The following PARD3B variants were observed in gnomAD, a reference collection of about 807,000 sequenced individuals.
PARD3B encodes the protein par-3 family cell polarity regulator beta.
Under a neutral mutation model 130.2 loss-of-function variants are expected in PARD3B, and 103 were observed. The observed-to-expected ratio is 0.79, with a 90% CI of 0.67 to 0.93. PARD3B has a LOEUF of 0.93. PARD3B is among the 40% of genes least tolerant of loss of function. PARD3B has a pLI of 0.00. For synonymous variants in PARD3B, 583 were observed against 553.2 expected (o/e 1.05, Z -0.76); for missense variants, 1,609 against 1,499.2 (o/e 1.07, Z -1.21).
At chr2:205,406,659 C>CTTTTT (rs777517284) in intron 19 of PARD3B, among the ~76,000 whole-genome samples, 2 of 87,466 alleles carry the variant, frequency 2.3e-5, no homozygotes, top group African/African-American at 9.4e-5. Context: ...TCTTGTGTAT[C>CTTTTT]TTTTTTTTTT....
chr2:205,396,273 A>G (rs849231), intron 18 of PARD3B, among the ~76,000 whole-genome samples: 142,880 of 152,334 alleles, frequency 0.94, 67,047 homozygotes, highest in East Asian at 0.97. Context: ...AATTATGGAT[A>G]TATACTTGTT....
At chr2:205,355,699 A>G (rs1559695664) in intron 18 of PARD3B, among the ~76,000 whole-genome samples, 2 of 152,186 alleles carry the variant, frequency 1.3e-5, no homozygotes. Flanking sequence ...TACTGCTATA[A>G]AAAAACTGCC....
At position 205,548,767 on chromosome 2, in the gene PARD3B, C is replaced by T. The variant is rs187262121; in HGVS notation, c.3181-4557C>T. Among the ~76,000 whole-genome samples, 33 of 152,052 alleles carry T rather than the reference C, an allele frequency of 2.2e-4. No individual in the cohort carries two copies. In the East Asian group the frequency reaches 3.7e-3, roughly 17 times the overall value. ...TGATCTGTGAAAGATAAAATTAATA[C>T]GTTGAACTTTATTAAAATTAAAAAA... On this transcript the variant is annotated intron_variant, in intron 21 of 22. Coordinates refer to ENST00000406610, the MANE Select transcript of PARD3B (RefSeq NM_001302769.2).
At chr2:205,578,796 T>C (rs958999443) in intron 22 of PARD3B, among the ~76,000 whole-genome samples, 11 of 152,220 alleles carry the variant, frequency 7.2e-5, no homozygotes, top group African/African-American at 2.7e-4. Context: ...CACGTCAAAT[T>C]ATCTTACTTT....
rs1363535311 is a variant in PARD3B, at chr2:205,405,786, A to G, written c.2741+4663A>G. Among the ~76,000 whole-genome samples, 1 of 152,206 alleles carries G rather than the reference A, an allele frequency of 6.6e-6. No homozygotes were observed. Among genetic ancestry groups the G allele is most frequent in the Admixed American group, 6.5e-5 (1 of 15,270 alleles). On this transcript the variant is annotated intron_variant, in intron 19 of 22. Coordinates refer to ENST00000406610, the MANE Select transcript of PARD3B (RefSeq NM_001302769.2). The surrounding 1 kb of genome is among the most constrained non-coding windows in gnomAD (Gnocchi z 4.1). ...AAAGAAAGTTAATGGAAATAAATGT[A>G]AAGTCTTGCATTTAGGTCCAAAAAT... is the stretch of plus-strand genomic sequence containing the variant.
intron 18 of PARD3B, among the ~76,000 whole-genome samples, chr2:205,364,629 G>A (rs960144579): frequency 1.3e-5 from 2 of 152,158 alleles, no homozygotes; most frequent in African/African-American, 4.8e-5. Flanking sequence ...TTACAAGGCA[G>A]GGTGTGATTT....
At chr2:205,083,334 G>GAA (rs55665658) in intron 4 of PARD3B, among the ~76,000 whole-genome samples, 2,090 of 140,050 alleles carry the variant, frequency 0.015, 32 homozygotes, top group African/African-American at 0.047. Context: ...TTTAAGAATA[G>GAA]AAAAAAAAAA....
chr2:204,817,977 G>A (rs549153428), intron 2 of PARD3B, among the ~76,000 whole-genome samples: 1 of 152,232 alleles, frequency 6.6e-6, no homozygotes, highest in African/African-American at 2.4e-5. Flanking sequence ...AGGCCAGAAG[G>A]AAAGTTTACT....
At chr2:205,350,715 C>A (rs931519454) in intron 18 of PARD3B, among the ~76,000 whole-genome samples, 1 of 152,090 alleles carries the variant, frequency 6.6e-6, no homozygotes, top group Non-Finnish European at 1.5e-5. Flanking sequence ...TTCTATAATC[C>A]TAATGGCAGT....
intron 1 of PARD3B, among the ~76,000 whole-genome samples, chr2:204,554,049 A>T (rs985510730): frequency 5.9e-5 from 9 of 152,108 alleles, no homozygotes; most frequent in Non-Finnish European, 1.2e-4. Flanking sequence ...AAATAAAAAA[A>T]TTTTAAAAAT....
intron 16 of PARD3B, among the ~76,000 whole-genome samples, chr2:205,252,171 G>A (rs979149452): frequency 6.6e-6 from 1 of 152,080 alleles, no homozygotes; most frequent in Non-Finnish European, 1.5e-5. Context: ...ATATGGAGCA[G>A]GTGTATGCAT....
At chr2:204,751,327 A>C (rs2040458289) in intron 2 of PARD3B, among the ~76,000 whole-genome samples, 1 of 152,200 alleles carries the variant, frequency 6.6e-6, no homozygotes, top group Non-Finnish European at 1.5e-5. Flanking sequence ...ACAAAAACAA[A>C]AACACAAAAA....
chr2:204,605,092 G>T (rs1553550053), intron 1 of PARD3B, among the ~76,000 whole-genome samples: 1 of 152,152 alleles, frequency 6.6e-6, no homozygotes, highest in Non-Finnish European at 1.5e-5. Flanking sequence ...GATATGGCCA[G>T]ACAGAGTGCT....
chr2:204,869,364 C>A (rs17619986), intron 2 of PARD3B, among the ~76,000 whole-genome samples: 1 of 152,068 alleles, frequency 6.6e-6, no homozygotes, highest in Non-Finnish European at 1.5e-5. Context: ...ACGAGTGATT[C>A]ATAATCAAAC....
intron 21 of PARD3B, among the ~76,000 whole-genome samples, chr2:205,535,016 T>C (rs946745292): frequency 1.3e-5 from 2 of 152,188 alleles, no homozygotes; most frequent in African/African-American, 2.4e-5. Flanking sequence ...GTTTCCAGTC[T>C]ACAGAGGGGT....
intron 1 of PARD3B, among the ~76,000 whole-genome samples, chr2:204,572,007 G>A (rs763289809): frequency 1.2e-4 from 18 of 152,160 alleles, no homozygotes; most frequent in Non-Finnish European, 2.1e-4. Flanking sequence ...TCTCTATACT[G>A]AAAGGAAATA....
intron 4 of PARD3B, among the ~76,000 whole-genome samples, chr2:205,089,131 CTTTTTTTTTTCTTTCTT>C (rs1300406539): frequency 1.4e-5 from 2 of 140,322 alleles, no homozygotes; most frequent in Non-Finnish European, 3.1e-5. Flanking sequence ...TGGGCACTCT[CTTTTTTTTTTCTTTCTT>C]TTTTTTTTTT....
intron 2 of PARD3B, among the ~76,000 whole-genome samples, chr2:204,898,332 A>G (rs940454520): frequency 6.6e-6 from 1 of 152,068 alleles, no homozygotes; most frequent in Non-Finnish European, 1.5e-5. Flanking sequence ...TTATTTTAAA[A>G]TGTATAATAA....
In PARD3B at chr2:205,015,356, G is replaced by A. The variant is rs1559357074; in HGVS notation, c.395-32225G>A. Reference sequence around the variant, plus strand: ...GAAGGGGTTGGTCTTGCTCTCTCAGGGGTGGCAGAGGTGAAAGAAAATCCA... The same window carrying A: ...GAAGGGGTTGGTCTTGCTCTCTCAGAGGTGGCAGAGGTGAAAGAAAATCCA... On this transcript the variant is annotated intron_variant, in intron 3 of 22. Transcript: ENST00000406610. The surrounding 1 kb of genome is among the most constrained non-coding windows in gnomAD (Gnocchi z 4.5). Among the ~76,000 whole-genome samples, 1 of 152,118 alleles carries A rather than the reference G, an allele frequency of 6.6e-6. No homozygotes were observed. The highest frequency in any genetic ancestry group is 6.5e-5 in the Admixed American group (1 of 15,268).
Sources: gnomAD v4.1 joint callset for allele counts (sites outside exome capture counted in the v4.1 genomes callset) on GRCh38, gnomAD v4.1.1 for gene constraint, Gnocchi (gnomAD v3.1) non-coding constraint, MANE v1.5 for transcripts, NCBI Gene and HGNC (gene_info 2026-07-23, HGNC 2026-07-21) for gene names.